The following PRDM11 variants were observed in gnomAD, a reference collection of about 807,000 sequenced individuals.
The protein encoded by PRDM11 is PR/SET domain 11, also known as PR domain-containing protein 11.
A neutral mutation model predicts 97.8 loss-of-function variants in PRDM11; 20 were observed. That is an observed-to-expected ratio of 0.20 (90% CI 0.14 to 0.30). The LOEUF (loss-of-function observed/expected upper bound fraction) is 0.30, where lower values mean the gene tolerates loss of function less well. Among genes scored for constraint, PRDM11 ranks in the 10% least tolerant of loss-of-function variants. PRDM11 has a pLI of 1.00. For synonymous variants in PRDM11, 599 were observed against 637.7 expected, an observed-to-expected ratio of 0.94 and a Z score of 0.91; for missense variants, 1,139 against 1,555.2, an observed-to-expected ratio of 0.73 and a Z score of 4.50.
chr11:45,195,293 C>G (rs117535626), intron 4 of PRDM11, among the ~76,000 whole-genome samples: 166 of 152,256 alleles, frequency 1.1e-3, no homozygotes, highest in Non-Finnish European at 7.8e-4. Flanking sequence ...CAGGTATGTG[C>G]AACCATCATC....
intron 1 of PRDM11, among the ~76,000 whole-genome samples, chr11:45,150,241 A>G (rs1201423227): frequency 3.1e-4 from 47 of 152,116 alleles, no homozygotes; most frequent in Non-Finnish European, 4.6e-4. Flanking sequence ...CTCTTCAGGG[A>G]AGCCCTCCCT....
At chr11:45,210,954 G>C (rs574079346) in intron 5 of PRDM11, among the ~76,000 whole-genome samples, 16 of 152,246 alleles carry the variant, frequency 1.1e-4, no homozygotes, top group African/African-American at 3.4e-4. Flanking sequence ...ATCTCCCTGA[G>C]ACTGAATGTA....
chr11:45,209,196 G>C (rs1036476719), intron 5 of PRDM11: 3 of 444,178 alleles, frequency 6.8e-6, no homozygotes, highest in African/African-American at 6.0e-5. Context: ...CGTGCTCACG[G>C]CCCACGAGAG....
At chr11:45,161,085 C>T (rs1186349316) in intron 1 of PRDM11, among the ~76,000 whole-genome samples, 2 of 152,184 alleles carry the variant, frequency 1.3e-5, no homozygotes, top group African/African-American at 2.4e-5. Context: ...GGGAATGCCA[C>T]ATAACCTCTC....
In PRDM11 at chr11:45,234,044, T is replaced by C. The variant is rs1256413312; in HGVS notation, c.*5885T>C. ...TGGGATACCCCAAGCTCATCCACTT[T>C]CGTTGGGGAGGGCCCCTCCCTGGGT... On this transcript the variant is annotated 3_prime_UTR_variant, in exon 8 of 8. Coordinates refer to ENST00000683152, the MANE Select transcript of PRDM11 (RefSeq NM_001384648.1). 1 of 152,276 alleles carries C rather than the reference T, an allele frequency of 6.6e-6. No individual in the cohort carries two copies. Among genetic ancestry groups the C allele is most frequent in the African/African-American group, 2.4e-5 (1 of 41,458 alleles). 9.4% of individuals were successfully genotyped at this position (152,276 alleles called of 1,614,324 possible). A position where few individuals can be genotyped will look rare whatever the true frequency, so the allele number is the denominator to read the frequency against.
intron 1 of PRDM11, among the ~76,000 whole-genome samples, chr11:45,163,776 C>T (rs1254647147): frequency 6.6e-6 from 1 of 152,160 alleles, no homozygotes; most frequent in Non-Finnish European, 1.5e-5. Flanking sequence ...AGCTGCAGAC[C>T]AATACTTCCT....
Position 45,207,116 on chromosome 11 carries a change from G to A in PRDM11, c.554+2338G>A, listed in dbSNP as rs1853540285. 1.3e-5 allele frequency among the ~76,000 whole-genome samples: 2 copies of A among 152,226 alleles called. 1 individual carries two copies. Among genetic ancestry groups the A allele is most frequent in the South Asian group, 4.1e-4 (2 of 4,832 alleles). ...CACTCAAAGAGCAGGTTTGGGTTAGGGATGCAGTTTGTTGCCACGGAGACG... is the reference window on the plus strand; with the variant it reads ...CACTCAAAGAGCAGGTTTGGGTTAGAGATGCAGTTTGTTGCCACGGAGACG... On this transcript the variant is annotated intron_variant, in intron 5 of 7. Transcript: ENST00000683152.
rs1478514838 is a variant in PRDM11 at position 45,141,390 on chromosome 11, A to C, written c.97-40371A>C. Among the ~76,000 whole-genome samples, 3 of 152,196 alleles carry C rather than the reference A, an allele frequency of 2.0e-5. No homozygotes were observed. In the East Asian group the frequency reaches 5.8e-4, roughly 29 times the overall value. On this transcript the variant is annotated intron_variant, in intron 1 of 6. Transcript: ENST00000530656. ...GTGATGTCATGTCACTTCTGAAATT[A>C]GTTTATAAAGGGCTGTGGCTTTCCT... is the stretch of plus-strand genomic sequence containing the variant.
intron 1 of PRDM11, among the ~76,000 whole-genome samples, chr11:45,177,487 T>A (rs1310558072): frequency 6.6e-6 from 1 of 152,240 alleles, no homozygotes; most frequent in Admixed American, 6.5e-5. Context: ...CACCAGCACA[T>A]GTTCTCCCTC....
intron 1 of PRDM11, among the ~76,000 whole-genome samples, chr11:45,110,237 A>G (rs963696): frequency 0.025 from 3,829 of 152,192 alleles, 169 homozygotes; most frequent in African/African-American, 0.088. Flanking sequence ...AGAACAACTA[A>G]TCCTTATGCA....
At chr11:45,100,430 T>C (rs1289566904) in intron 1 of PRDM11, among the ~76,000 whole-genome samples, 1 of 152,226 alleles carries the variant, frequency 6.6e-6, no homozygotes, top group Non-Finnish European at 1.5e-5. Context: ...TGGCTCTTCA[T>C]TTTCAGAGTC....
rs139241354 is a variant in PRDM11, at chr11:45,182,984, G to T, written c.347G>T (p.Gly116Val). 90 of 1,613,994 alleles carry T rather than the reference G, an allele frequency of 5.6e-5. No individual in the cohort carries two copies. In the African/African-American group the frequency reaches 9.9e-4, roughly 18 times the overall value. Residue 116 changes from glycine to valine, a missense_variant, in exon 4 of 8, where the codon GGC becomes GTC. Physicochemically the swap from Gly to Val is moderately radical, Grantham distance 109. This residue lies in a region of PRDM11 where 429 missense variants were observed against 510.3 expected (regional missense o/e 0.84). Transcript: ENST00000683152. ...PDRAALTIPQGMEVVKDTSGE... is the reference protein window; with the variant it reads ...PDRAALTIPQVMEVVKDTSGE... ...CGGGCGGCGCTCACCATCCCACAGG[G>T]CATGGAGGTGGTCAAGGACACTAGT...
intron 1 of PRDM11, among the ~76,000 whole-genome samples, chr11:45,128,337 A>G (rs1166271035): frequency 1.3e-5 from 2 of 152,108 alleles, no homozygotes; most frequent in South Asian, 2.1e-4. Flanking sequence ...GCTCGCACAC[A>G]GTGCACTGCA....
intron 1 of PRDM11, among the ~76,000 whole-genome samples, chr11:45,166,360 T>C (rs1022302713): frequency 6.6e-6 from 1 of 152,156 alleles, no homozygotes; most frequent in Non-Finnish European, 1.5e-5. Context: ...CCCTTCTCTT[T>C]CCAGCAGAGT....
chr11:45,163,313 A>G (rs905241146), intron 1 of PRDM11, among the ~76,000 whole-genome samples: 10 of 152,060 alleles, frequency 6.6e-5, no homozygotes, highest in Non-Finnish European at 1.5e-4. Flanking sequence ...CACATTTTTC[A>G]TTTCGATTTC....
intron 1 of PRDM11, among the ~76,000 whole-genome samples, chr11:45,166,457 C>T (rs942312744): frequency 2.0e-5 from 3 of 152,230 alleles, no homozygotes; most frequent in Admixed American, 1.3e-4. Flanking sequence ...CCTGCAGATA[C>T]GAGCACTGGT....
intron 1 of PRDM11, among the ~76,000 whole-genome samples, chr11:45,178,428 T>C (rs1005843196): frequency 3.9e-5 from 6 of 152,062 alleles, no homozygotes; most frequent in African/African-American, 1.4e-4. Flanking sequence ...TACCCCCTAG[T>C]GCTCCATCCT....
intron 6 of PRDM11, among the ~76,000 whole-genome samples, chr11:45,222,662 T>C (rs764531146): frequency 3.3e-5 from 5 of 152,204 alleles, no homozygotes; most frequent in Non-Finnish European, 5.9e-5. Context: ...CCTTTTGTGC[T>C]GTAACCTAAA....
rs1170350324 is a variant in PRDM11 at position 45,231,703 on chromosome 11, G to A, written c.*3544G>A. ...TATGATCTGCTTTTCCTTCATGGAG[G>A]ACAAAGAAAAAATCCACTGCCATCT... On this transcript the variant is annotated 3_prime_UTR_variant, in exon 8 of 8. Coordinates refer to ENST00000683152, the MANE Select transcript of PRDM11 (RefSeq NM_001384648.1). The A allele has an allele frequency of 1.3e-5, 2 of 151,424 alleles. No homozygotes were observed. The highest frequency in any genetic ancestry group is 4.9e-5 in the African/African-American group (2 of 41,136). The allele number at this position is 151,424 out of a possible 1,614,324, so 9.4% of individuals were successfully genotyped here. A position where few individuals can be genotyped will look rare whatever the true frequency, so the allele number is the denominator to read the frequency against.
Sources: allele counts gnomAD v4.1 joint callset (sites outside exome capture counted in the v4.1 genomes callset), GRCh38; gene constraint gnomAD v4.1.1; regional missense constraint gnomAD v4.1.1; transcripts MANE v1.5; gene names NCBI Gene and HGNC (gene_info 2026-07-23, HGNC 2026-07-21).